DMD: variants seen among roughly 807,000 people sequenced by gnomAD.
DMD encodes the protein dystrophin.
DMD carries 63 observed loss-of-function variants against 330.1 expected under a neutral mutation model. The ratio of observed to expected loss-of-function variants is 0.19; its 90% CI spans 0.16 to 0.24. The LOEUF (loss-of-function observed/expected upper bound fraction) is 0.24, where lower values mean the gene tolerates loss of function less well. Among genes scored for constraint, DMD ranks in the 10% least tolerant of loss-of-function variants. The pLI, the probability that DMD is intolerant of heterozygous loss-of-function variation, is 1.00. For missense variants in DMD, 3,344 were observed against 2,684.1 expected (o/e 1.25, Z -5.43); for synonymous variants, 1,223 against 959.8 (o/e 1.27, Z -5.07).
intron 15 of DMD, among the ~76,000 whole-genome samples, 181 bp downstream of exon 15, chrX:32,573,349 A>T (rs1297639807): frequency 8.9e-6 from 1 of 112,075 alleles, no homozygotes; most frequent in Non-Finnish European, 1.9e-5. Flanking sequence ...CAAAGTTGAA[A>T]ATCCACCTAT....
intron 1 of DMD, among the ~76,000 whole-genome samples, chrX:33,312,368 G>C (rs919012701): frequency 9.0e-6 from 1 of 111,237 alleles, no homozygotes; most frequent in African/African-American, 3.3e-5. Context: ...GTATACATGA[G>C]AGTACTGGAA....
At chrX:31,807,912 C>T (rs1447905689) in intron 50 of DMD, among the ~76,000 whole-genome samples, 4 of 111,494 alleles carry the variant, frequency 3.6e-5, no homozygotes, top group Non-Finnish European at 7.5e-5. Context: ...ATGCTGTGCC[C>T]ACTTAGTAGC....
chrX:32,890,385 C>T (rs963991391), intron 2 of DMD, among the ~76,000 whole-genome samples: 3 of 90,544 alleles, frequency 3.3e-5, no homozygotes, highest in African/African-American at 1.3e-4. Context: ...AAACTTTTCG[C>T]GGGGAAGGAA....
intron 30 of DMD, among the ~76,000 whole-genome samples, chrX:32,400,881 C>T (rs1351473285): frequency 6.4e-5 from 7 of 109,299 alleles, no homozygotes; most frequent in East Asian, 2.9e-4. Flanking sequence ...CACATGCACA[C>T]GTATGTTTAT....
In DMD at chrX:32,206,024, G is replaced by A. The variant is rs185689235; in HGVS notation, c.6438+10892C>T. On this transcript the variant is annotated intron_variant, in intron 44 of 78. Coordinates refer to ENST00000357033, the MANE Select transcript of DMD (RefSeq NM_004006.3). ...TTGAGCAACAGTTATCTTTAAGAAC[G>A]GTCAGTTTAGGGGCTGGGGCAAAGG... 194 of 495,408 alleles carry A rather than the reference G, an allele frequency of 3.9e-4. 1 individual carries two copies. The East Asian group carries it at 5.7e-3, about 14-fold the overall frequency. The allele number at this position is 495,408 out of a possible 1,213,427, so 40.8% of individuals were successfully genotyped here. A position where few individuals can be genotyped will look rare whatever the true frequency, so the allele number is the denominator to read the frequency against.
chrX:31,284,825 AACACACACACACACAC>A (rs61401043), intron 62 of DMD, among the ~76,000 whole-genome samples: 2 of 91,508 alleles, frequency 2.2e-5, no homozygotes, highest in Admixed American at 1.2e-4. Context: ...TAATGGCTTA[AACACACACACACACAC>A]ACACACACAC....
chrX:32,384,133 A>G (rs962491950), intron 33 of DMD, among the ~76,000 whole-genome samples: 2 of 110,672 alleles, frequency 1.8e-5, no homozygotes, highest in Non-Finnish European at 3.8e-5. Context: ...AATTACAAAA[A>G]CAATATATCT....
chrX:32,475,553 T>C (rs1219428407), intron 21 of DMD, among the ~76,000 whole-genome samples: 1 of 111,618 alleles, frequency 9.0e-6, no homozygotes, highest in Non-Finnish European at 1.9e-5. Flanking sequence ...GTAGTTTTCC[T>C]TGGAGAGGTC....
In DMD at chrX:31,147,417, C is replaced by T. The variant is rs2036845683; in HGVS notation, c.10655G>A (p.Ser3552Asn). ...AGCAATGAGCTCAGCATCCCGGGGA[C>T]TCTGGGGAGAGGTGGGCATCATTTC... Reference protein sequence around the residue: ...PPEMMPTSPQSPRDAELIAEA... With the variant: ...PPEMMPTSPQNPRDAELIAEA... The change falls in exon 75 of 79, where the codon AGT becomes AAT. Residue 3552 changes from serine to asparagine, a missense_variant. Physicochemically the swap from Ser to Asn is conservative, Grantham distance 46. Coordinates refer to ENST00000357033, the MANE Select transcript of DMD (RefSeq NM_004006.3). 1 of 1,206,275 alleles carries T rather than the reference C, an allele frequency of 8.3e-7. No homozygotes were observed. The highest frequency in any genetic ancestry group is 2.2e-5 in the Admixed American group (1 of 45,280).
At chrX:32,343,851 G>T (rs1052607212) in intron 39 of DMD, among the ~76,000 whole-genome samples, 6 of 111,918 alleles carry the variant, frequency 5.4e-5, no homozygotes, top group South Asian at 3.7e-4. Context: ...GTTCCAAGCT[G>T]TATGTGTAGA....
chrX:32,904,385 G>T (rs181695213), intron 2 of DMD, among the ~76,000 whole-genome samples: 10 of 111,069 alleles, frequency 9.0e-5, no homozygotes, highest in Non-Finnish European at 1.3e-4. Context: ...GCAAGAGAAA[G>T]ATTATAAGAA....
chrX:32,239,475 C>A (rs1408892318), intron 43 of DMD, among the ~76,000 whole-genome samples: 3 of 111,845 alleles, frequency 2.7e-5, no homozygotes, highest in Non-Finnish European at 5.6e-5. Context: ...CTATCAACAT[C>A]CCACACCAGA....
intron 44 of DMD, among the ~76,000 whole-genome samples, chrX:32,016,687 C>G (rs998537809): frequency 5.3e-5 from 6 of 112,322 alleles, no homozygotes; most frequent in Non-Finnish European, 1.1e-4. Flanking sequence ...TGCCTTTGAT[C>G]ATCAGTGATC....
intron 28 of DMD, among the ~76,000 whole-genome samples, chrX:32,440,085 C>T (rs1447423561): frequency 9.0e-6 from 1 of 111,383 alleles, no homozygotes; most frequent in Non-Finnish European, 1.9e-5. Context: ...GCTCCATGTA[C>T]GATTTGACAA....
intron 2 of DMD, among the ~76,000 whole-genome samples, chrX:32,869,445 G>A (rs1420038131): frequency 1.8e-5 from 2 of 110,250 alleles, no homozygotes; most frequent in Non-Finnish European, 3.8e-5. Context: ...GAGTAATAAC[G>A]AACTTTACTG....
At chrX:31,433,259 T>C (rs2064216693) in intron 60 of DMD, among the ~76,000 whole-genome samples, 1 of 111,992 alleles carries the variant, frequency 8.9e-6, no homozygotes, top group Admixed American at 9.5e-5. Flanking sequence ...TAGTATTCCA[T>C]GGTGCATATA....
intron 2 of DMD, among the ~76,000 whole-genome samples, chrX:32,932,701 C>A (rs1036604615): frequency 2.7e-5 from 3 of 111,706 alleles, no homozygotes; most frequent in Admixed American, 9.5e-5. Context: ...GTAGTTTAAA[C>A]GATTGATGTA....
chrX:32,566,802 G>A (rs2051772387), intron 15 of DMD, among the ~76,000 whole-genome samples: 1 of 111,503 alleles, frequency 9.0e-6, no homozygotes, highest in Admixed American at 9.6e-5. Flanking sequence ...CAATTCCTGG[G>A]TACTGAACAT....
At chrX:31,321,808 C>G (rs2056455103) in intron 62 of DMD, among the ~76,000 whole-genome samples, 2 of 110,508 alleles carry the variant, frequency 1.8e-5, no homozygotes, top group Non-Finnish European at 3.8e-5. Flanking sequence ...TAGCTGCTCT[C>G]TAATTCCACT....
Sources: gnomAD v4.1 joint callset for allele counts (sites outside exome capture counted in the v4.1 genomes callset) on GRCh38, gnomAD v4.1.1 for gene constraint, MANE v1.5 for transcripts, NCBI Gene and HGNC (gene_info 2026-07-23, HGNC 2026-07-21) for gene names.